GNB1L: variants seen among roughly 807,000 people sequenced by gnomAD.
GNB1L encodes the protein guanine nucleotide-binding protein subunit beta-like protein 1.
GNB1L carries 20 observed loss-of-function variants against 29.1 expected under a neutral mutation model. The observed-to-expected ratio is 0.69, with a 90% CI of 0.48 to 1.00. The LOEUF (loss-of-function observed/expected upper bound fraction) is 1.00, where lower values mean the gene tolerates loss of function less well. GNB1L is among the 50% of genes least tolerant of loss of function. The pLI is 0.00. For synonymous variants in GNB1L, 193 were observed against 206.5 expected (o/e 0.93, Z 0.56); for missense variants, 421 against 464.9 (o/e 0.91, Z 0.87).
chr22:19,824,215 A>G lies in GNB1L; in HGVS notation c.-20-2840T>C, dbSNP rs1601338728. The stretch of plus-strand genomic sequence containing the variant: ...TTGAAAACTAATTAATTCTAGCTAC[A>G]TATTTTTCCCATGACAATATCCTAG... On this transcript the variant is annotated intron_variant, in intron 2 of 7. Transcript: ENST00000329517. 2.0e-5 allele frequency among the ~76,000 whole-genome samples: 3 copies of G among 152,388 alleles called. No individual in the cohort carries two copies. The East Asian group carries it at 5.8e-4, about 29-fold the overall frequency.
At chr22:19,821,618 G>T (rs897610769) in intron 2 of GNB1L, among the ~76,000 whole-genome samples, 7 of 152,178 alleles carry the variant, frequency 4.6e-5, no homozygotes, top group African/African-American at 1.7e-4. Flanking sequence ...TTCCCCCACT[G>T]CTGGGGGAAC....
intron 2 of GNB1L, among the ~76,000 whole-genome samples, chr22:19,824,032 A>G (rs1289374444): frequency 1.3e-5 from 2 of 152,228 alleles, no homozygotes; most frequent in East Asian, 3.9e-4. Context: ...CAGAAGGCTC[A>G]TTCTCAGGTG....
intron 2 of GNB1L, among the ~76,000 whole-genome samples, chr22:19,838,317 G>C (rs1018300688): frequency 3.3e-5 from 5 of 152,074 alleles, no homozygotes; most frequent in African/African-American, 9.7e-5. Flanking sequence ...ATACCTACTA[G>C]AGTGGCTAAA....
intron 7 of GNB1L, among the ~76,000 whole-genome samples, chr22:19,798,574 G>A (rs931361871): frequency 2.0e-5 from 3 of 152,182 alleles, no homozygotes; most frequent in Non-Finnish European, 4.4e-5. Context: ...CCTGACCAGG[G>A]ATCTTCACCT....
chr22:19,811,952 C>A (rs1057199059), intron 5 of GNB1L, among the ~76,000 whole-genome samples: 1 of 152,052 alleles, frequency 6.6e-6, no homozygotes, highest in African/African-American at 2.4e-5. Context: ...CCCTGCCGTT[C>A]CTGCCGGCCT....
chr22:19,810,623 C>T lies in GNB1L; in HGVS notation c.417+1662G>A, dbSNP rs556672671. Reference sequence around the variant, plus strand: ...CTCCTACAGACACCCATGAGCTTTCCGCCTGGCACCTGACTGCAACTTTTG... The same window carrying T: ...CTCCTACAGACACCCATGAGCTTTCTGCCTGGCACCTGACTGCAACTTTTG... On this transcript the variant is annotated intron_variant, in intron 5 of 7. Transcript: ENST00000329517. Among the ~76,000 whole-genome samples, 17 of 152,280 alleles carry T rather than the reference C, an allele frequency of 1.1e-4. No individual in the cohort carries two copies. The East Asian group carries it at 2.7e-3, about 24-fold the overall frequency.
chr22:19,840,314 C>T (rs1354053877), intron 2 of GNB1L, among the ~76,000 whole-genome samples: 3 of 152,122 alleles, frequency 2.0e-5, no homozygotes, highest in Admixed American at 2.0e-4. Context: ...GACACTCTAC[C>T]ATCAAGGAGG....
At chr22:19,842,039 T>C (rs1937871045) in intron 2 of GNB1L, among the ~76,000 whole-genome samples, 1 of 152,154 alleles carries the variant, frequency 6.6e-6, no homozygotes, top group South Asian at 2.1e-4. Flanking sequence ...CACCTCCTGC[T>C]CATCAGGCAC....
chr22:19,815,130 G>A (rs190808278), intron 4 of GNB1L, among the ~76,000 whole-genome samples: 47 of 152,278 alleles, frequency 3.1e-4, no homozygotes, highest in African/African-American at 1.1e-3. Flanking sequence ...GAGGATCCCG[G>A]AGCAGAAATG....
rs148997148 is a variant in GNB1L at position 19,851,321 on chromosome 22, G to A, written c.-21+3122C>T. 1.1e-5 allele frequency: 17 copies of A among 1,613,996 alleles called. No individual in the cohort carries two copies. The Admixed American group carries it at 2.3e-4, about 22-fold the overall frequency. On this transcript the variant is annotated intron_variant, in intron 2 of 7. Transcript: ENST00000329517. ...TGGACCTCCTGGATGAGCTGGGTCT[G>A]GTCTCTGGGCAGGAGGATTAGCTGA...
rs1937382378 is a variant in GNB1L at position 19,802,208 on chromosome 22, G to A, written c.525C>T (p.Cys175=). The A allele has an allele frequency of 1.2e-6, 2 of 1,612,496 alleles. No homozygotes were observed. Among genetic ancestry groups the A allele is most frequent in the South Asian group, 1.1e-5 (1 of 91,082 alleles). ...PMCLRLWQAD[C]SSRPLLLAGY... ...CGGCCAGAAGGAGTGGGCGGGAGCT[G>A]CAGTCGGCCTGCGGGGAACAGCAGA... The change falls in exon 7 of 8, where the codon TGC becomes TGT. Residue 175 remains cysteine (C), a synonymous_variant. Transcript: ENST00000329517.
intron 4 of GNB1L, among the ~76,000 whole-genome samples, chr22:19,814,926 C>G (rs1046592196): frequency 6.6e-6 from 1 of 151,892 alleles, no homozygotes; most frequent in Non-Finnish European, 1.5e-5. Flanking sequence ...GTTCCAGCTA[C>G]TCAGGGGGCT....
intron 5 of GNB1L, among the ~76,000 whole-genome samples, chr22:19,811,079 A>G (rs1481375080): frequency 6.6e-6 from 1 of 152,220 alleles, no homozygotes; most frequent in Non-Finnish European, 1.5e-5. Flanking sequence ...GGGAGGAAGC[A>G]CGCCCCTCTT....
At chr22:19,797,847 C>T (rs1937324667) in intron 7 of GNB1L, among the ~76,000 whole-genome samples, 1 of 152,206 alleles carries the variant, frequency 6.6e-6, no homozygotes, top group African/African-American at 2.4e-5. Flanking sequence ...TGACCCCTCT[C>T]ATGGCCCCTC....
At chr22:19,810,610 C>A (rs996768100) in intron 5 of GNB1L, among the ~76,000 whole-genome samples, 2 of 152,202 alleles carry the variant, frequency 1.3e-5, no homozygotes, top group African/African-American at 4.8e-5. Context: ...CCTACAGACA[C>A]CCATGAGCTT....
chr22:19,849,772 GGT>G, intron 2 of GNB1L: 1 of 985,414 alleles, frequency 1.0e-6, no homozygotes, highest in Non-Finnish European at 1.2e-6. Context: ...TTTCCAGGAA[GGT>G]GTTGTTTTGT....
chr22:19,801,150 T>C (rs1190586536), intron 7 of GNB1L, among the ~76,000 whole-genome samples: 3 of 152,172 alleles, frequency 2.0e-5, no homozygotes, highest in South Asian at 2.1e-4. Flanking sequence ...TCACGGGACA[T>C]GCAGCTCCCC....
intron 2 of GNB1L, among the ~76,000 whole-genome samples, chr22:19,842,498 A>G (rs1015586945): frequency 1.3e-5 from 2 of 152,186 alleles, no homozygotes; most frequent in Non-Finnish European, 2.9e-5. Context: ...TCAGCCCAGG[A>G]CGGGGGTGGG....
In GNB1L at chr22:19,788,773, C is replaced by T. The variant is rs760057216; in HGVS notation, c.920G>A (p.Gly307Asp). ...AVQCVAFTAD[G>D]LLAAGSKDQR... ...ATCCTTGGAGCCCGCGGCCAGCAAGCCATCGGCGGTGAAGGCCACGCACTG... is the reference window on the plus strand; with the variant it reads ...ATCCTTGGAGCCCGCGGCCAGCAAGTCATCGGCGGTGAAGGCCACGCACTG... The change falls in exon 8 of 8, where the codon GGC becomes GAC. Residue 307 changes from glycine (G) to aspartate (D), a missense_variant. By Grantham distance (94) the Gly-to-Asp change is moderately conservative. Transcript: ENST00000329517. 9.9e-6 allele frequency: 16 copies of T among 1,611,968 alleles called. No individual in the cohort carries two copies. The highest frequency in any genetic ancestry group is 3.3e-5 in the South Asian group (3 of 91,046).
Sources: allele counts gnomAD v4.1 joint callset (sites outside exome capture counted in the v4.1 genomes callset), GRCh38; gene constraint gnomAD v4.1.1; transcripts MANE v1.5; gene names NCBI Gene and HGNC (gene_info 2026-07-23, HGNC 2026-07-21).